Variants in ESR2 observed in about 807,000 individuals in gnomAD.
ESR2 encodes estrogen receptor 2.
ESR2 carries 36 observed loss-of-function variants against 49.6 expected under a neutral mutation model. The ratio of observed to expected loss-of-function variants is 0.73; its 90% confidence interval spans 0.56 to 0.96. The LOEUF (loss-of-function observed/expected upper bound fraction) is 0.96, where lower values mean the gene tolerates loss of function less well. Ranked by LOEUF, ESR2 falls within the 40% of genes least tolerant of loss-of-function variation. The pLI, the probability that ESR2 is intolerant of heterozygous loss-of-function variation, is 0.00. For missense variants in ESR2, 714 were observed against 693.0 expected, an observed-to-expected ratio of 1.03 and a Z score of -0.34; for synonymous variants, 320 against 266.1, an observed-to-expected ratio of 1.20 and a Z score of -1.97.
At chr14:64,245,310 G>A (rs1486248057) in intron 7 of ESR2, among the ~76,000 whole-genome samples, 8 of 151,918 alleles carry the variant, frequency 5.3e-5, no homozygotes, top group South Asian at 2.1e-4. Context: ...TCAGGAGTTC[G>A]AGACCAGCCT....
intron 4 of ESR2, among the ~76,000 whole-genome samples, chr14:64,263,335 A>T (rs1458458139): frequency 6.6e-6 from 1 of 152,212 alleles, no homozygotes; most frequent in Non-Finnish European, 1.5e-5. Flanking sequence ...TATTTTAAAA[A>T]GATAAATAAT....
In ESR2 at chr14:64,300,355, C is replaced by T. The variant is rs533582087; in HGVS notation, c.-90-17280G>A. Among the ~76,000 whole-genome samples, 20 of 152,286 alleles carry T rather than the reference C, an allele frequency of 1.3e-4. No individual in the cohort carries two copies. The East Asian group carries it at 1.9e-3, about 15-fold the overall frequency. On this transcript the variant is annotated intron_variant, in intron 1 of 8. Coordinates refer to the ESR2 transcript ENST00000358599. ...GCTACTATCTCACAGGCCTTTCAAC[C>T]GGACCCCATCCCTTCCTTCTCATCC...
At chr14:64,251,412 TACACAC>T (rs111881046) in intron 6 of ESR2, among the ~76,000 whole-genome samples, 6 of 149,406 alleles carry the variant, frequency 4.0e-5, no homozygotes, top group African/African-American at 9.7e-5. Flanking sequence ...GCACAATACA[TACACAC>T]ACACACACAC....
At chr14:64,288,199 G>GTGTTCTAA (rs2076812089) in intron 1 of ESR2, among the ~76,000 whole-genome samples, 1 of 152,062 alleles carries the variant, frequency 6.6e-6, no homozygotes, top group Non-Finnish European at 1.5e-5. Context: ...ATCGTGCATG[G>GTGTTCTAA]TGTTCTAATG....
At chr14:64,227,655 G>T (rs771046203), downstream of ESR2, 3 of 1,613,534 alleles carry the variant, frequency 1.9e-6, no homozygotes, top group Non-Finnish European at 2.5e-6. Flanking sequence ...TGCAGTGAAA[G>T]GAAGTGTGGT....
At chr14:64,292,243 A>T (rs2076883856) in intron 1 of ESR2, among the ~76,000 whole-genome samples, 1 of 121,956 alleles carries the variant, frequency 8.2e-6, no homozygotes, top group Admixed American at 7.6e-5. Flanking sequence ...AAGTAAAGGA[A>T]AATATGTCTA....
rs540522700 is a variant in ESR2 at position 64,291,075 on chromosome 14, C to A, written c.-91+2958G>T. Reference sequence around the variant, plus strand: ...AGCCACAGACCATGCTCTGTAGGAACTGGACCAAATTCAAATATTCATTTG... The same window carrying A: ...AGCCACAGACCATGCTCTGTAGGAAATGGACCAAATTCAAATATTCATTTG... On this transcript the variant is annotated intron_variant, in intron 1 of 8. Transcript: ENST00000341099. Among the ~76,000 whole-genome samples, 9 of 152,326 alleles carry A rather than the reference C, an allele frequency of 5.9e-5. No homozygotes were observed. In the South Asian group the frequency reaches 1.2e-3, roughly 21 times the overall value.
chr14:64,273,680 G>A (rs1007195024), intron 3 of ESR2, among the ~76,000 whole-genome samples: 5 of 152,080 alleles, frequency 3.3e-5, no homozygotes, highest in African/African-American at 9.7e-5. Context: ...TCTTTTTAAC[G>A]TGTTGTTGCA....
chr14:64,268,900 A>G lies in ESR2; in HGVS notation c.547T>C (p.Tyr183His). ...CACTGATTTGTAGCTGGACAAATAT[A>G]ATCATTATGTCCTATAGCAGAGTGG... is the stretch of plus-strand genomic sequence containing the variant. Reference protein sequence around the residue: ...FKRSIQGHNDYICPATNQCTI... With the variant: ...FKRSIQGHNDHICPATNQCTI... Residue 183 changes from tyrosine to histidine, a missense_variant, in exon 4 of 9, where the codon TAT (tyrosine) becomes CAT (histidine). Tyr to His is a moderately conservative substitution (Grantham distance 83). Transcript: ENST00000341099. 6.3e-7 allele frequency: 1 copy of G among 1,598,242 alleles called. No individual in the cohort carries two copies. The highest frequency in any genetic ancestry group is 8.6e-7 in the Non-Finnish European group (1 of 1,165,614).
intron 4 of ESR2, among the ~76,000 whole-genome samples, chr14:64,264,504 G>GTAA (rs1363814426): frequency 2.6e-5 from 4 of 152,084 alleles, no homozygotes; most frequent in Non-Finnish European, 4.4e-5. Flanking sequence ...GGATACATGT[G>GTAA]CAGAACATGC....
intron 4 of ESR2, among the ~76,000 whole-genome samples, chr14:64,266,894 C>A (rs544803655): frequency 2.0e-5 from 3 of 152,250 alleles, no homozygotes; most frequent in Non-Finnish European, 4.4e-5. Flanking sequence ...CTCCTCCCCC[C>A]GCCCCCAGAC....
chr14:64,308,081 C>T (rs117353148), intron 1 of ESR2, among the ~76,000 whole-genome samples: 1,574 of 152,200 alleles, frequency 0.01, 58 homozygotes, highest in East Asian at 0.088. Context: ...GTGGCATGAA[C>T]ATGCCTCAGT....
Position 64,310,303 on chromosome 14 carries a change from A to AT in ESR2, c.-90-27229dup, listed in dbSNP as rs1596482246. Among the ~76,000 whole-genome samples the AT allele has an allele frequency of 2.0e-5, 3 of 149,350 alleles. No homozygotes were observed. In the East Asian group the frequency reaches 5.9e-4, roughly 29 times the overall value. On this transcript the variant is annotated intron_variant, in intron 1 of 8. Transcript: ENST00000358599. The stretch of plus-strand genomic sequence containing the variant: ...GTCTCAAAAAATAATAATAATAATA[A>AT]TAATAATAATAATAATTCTGGGTGT...
chr14:64,313,541 A>G (rs148400514), intron 1 of ESR2, among the ~76,000 whole-genome samples: 6,060 of 150,790 alleles, frequency 0.04, 211 homozygotes, highest in Non-Finnish European at 0.065. Flanking sequence ...AAAAAAAAAA[A>G]AAAAGAAAAG....
At chr14:64,291,686 A>T (rs1363162337) in intron 1 of ESR2, among the ~76,000 whole-genome samples, 3 of 152,194 alleles carry the variant, frequency 2.0e-5, no homozygotes, top group Non-Finnish European at 4.4e-5. Flanking sequence ...TCAAGACATG[A>T]GCACAGAAAT....
chr14:64,269,418 G>A (rs1409021658), intron 3 of ESR2, among the ~76,000 whole-genome samples: 4 of 152,244 alleles, frequency 2.6e-5, no homozygotes, highest in Non-Finnish European at 4.4e-5. Context: ...GACAAGAGTT[G>A]TGGTGGATTA....
intron 1 of ESR2, among the ~76,000 whole-genome samples, chr14:64,329,092 C>A (rs2077423443): frequency 6.6e-6 from 1 of 151,910 alleles, no homozygotes; most frequent in Admixed American, 6.6e-5. Context: ...AATTTGAAGG[C>A]AAATATTAAA....
At chr14:64,271,461 G>C (rs1434009113) in intron 3 of ESR2, among the ~76,000 whole-genome samples, 1 of 152,198 alleles carries the variant, frequency 6.6e-6, no homozygotes, top group Admixed American at 6.5e-5. Flanking sequence ...GAGTAGCTGG[G>C]ACTACAGGCG....
In ESR2 at chr14:64,327,045, T is replaced by A. The variant is rs548229899; in HGVS notation, c.-91+10853A>T. On this transcript the variant is annotated intron_variant, in intron 1 of 8. Transcript: ENST00000358599. ...CAATCAAAACTTATTCTCACCTTCA[T>A]CATGAAAATATTCATGGTTCCTTGT... Among the ~76,000 whole-genome samples the A allele has an allele frequency of 2.0e-5, 3 of 152,344 alleles. No individual in the cohort carries two copies. The South Asian group carries it at 6.2e-4, about 32-fold the overall frequency.
Sources: allele counts gnomAD v4.1 joint callset (sites outside exome capture counted in the v4.1 genomes callset), GRCh38; gene constraint gnomAD v4.1.1; transcripts MANE v1.5; gene names NCBI Gene and HGNC (gene_info 2026-07-23, HGNC 2026-07-21).